The following HACE1 variants were observed in gnomAD, a reference collection of about 807,000 sequenced individuals.
The protein encoded by HACE1 is E3 ubiquitin-protein ligase HACE1.
Under a neutral mutation model 118.4 loss-of-function variants are expected in HACE1, and 73 were observed. That is an observed-to-expected ratio of 0.62 (90% CI 0.51 to 0.75). HACE1 has a LOEUF of 0.75. HACE1 is among the 30% of genes least tolerant of loss of function. The pLI, the probability that HACE1 is intolerant of heterozygous loss-of-function variation, is 0.00. For synonymous variants in HACE1, 368 were observed against 374.8 expected, an observed-to-expected ratio of 0.98 and a Z score of 0.21; for missense variants, 749 against 1,102.2, an observed-to-expected ratio of 0.68 and a Z score of 4.54.
chr6:104,740,614 A>T (rs1776555535), intron 22 of HACE1, among the ~76,000 whole-genome samples: 1 of 151,574 alleles, frequency 6.6e-6, no homozygotes, highest in Non-Finnish European at 1.5e-5. Context: ...AACTAGGAAG[A>T]AGTTGAATCT....
chr6:104,755,746 CA>C (rs1778537823), intron 19 of HACE1, among the ~76,000 whole-genome samples: 1 of 152,078 alleles, frequency 6.6e-6, no homozygotes, highest in Admixed American at 6.6e-5. Flanking sequence ...AACAAAGAGA[CA>C]ATGTACCAGA....
At chr6:104,781,450 C>G (rs1394493972) in intron 14 of HACE1, among the ~76,000 whole-genome samples, 2 of 152,150 alleles carry the variant, frequency 1.3e-5, no homozygotes, top group Non-Finnish European at 2.9e-5. Flanking sequence ...GAGAATGGCA[C>G]TGAGAGACCA....
At chr6:104,818,655 C>CAAAAAGCTTGCCAT (rs2115005296) in intron 6 of HACE1, among the ~76,000 whole-genome samples, 1 of 152,132 alleles carries the variant, frequency 6.6e-6, no homozygotes, top group South Asian at 2.1e-4. Flanking sequence ...CAAGCAGAAT[C>CAAAAAGCTTGCCAT]CAGCAGCACA....
chr6:104,736,922 CT>C (rs1775908047), intron 22 of HACE1, among the ~76,000 whole-genome samples: 1 of 152,150 alleles, frequency 6.6e-6, no homozygotes, highest in East Asian at 1.9e-4. Context: ...TAATTTTCTT[CT>C]ATTTTCTCCA....
At chr6:104,846,784 A>G (rs1219295112) in intron 4 of HACE1, among the ~76,000 whole-genome samples, 1 of 152,234 alleles carries the variant, frequency 6.6e-6, no homozygotes. Flanking sequence ...AACATCAGCC[A>G]CTACAGGAAG....
intron 22 of HACE1, among the ~76,000 whole-genome samples, chr6:104,736,194 G>A (rs1775806814): frequency 6.6e-6 from 1 of 150,562 alleles, no homozygotes. Flanking sequence ...GGCATTCAGA[G>A]GCAAAAAACA....
chr6:104,742,615 C>T (rs1199890010), intron 22 of HACE1, among the ~76,000 whole-genome samples: 3 of 151,236 alleles, frequency 2.0e-5, no homozygotes, highest in South Asian at 2.1e-4. Context: ...CAATGAGATA[C>T]CGTCTCACAC....
rs753387866 is a variant in HACE1 at position 104,728,919 on chromosome 6, C to T, written c.*743G>A. On this transcript the variant is annotated 3_prime_UTR_variant, in exon 24 of 24. Coordinates refer to ENST00000262903, the MANE Select transcript of HACE1 (RefSeq NM_020771.4). ...CACAGATAAAAGTAATGAAAAGAAA[C>T]GTGGTAAAATACATTTTAATTTTAC... The T allele has an allele frequency of 1.3e-5, 2 of 152,304 alleles. No homozygotes were observed. The highest frequency in any genetic ancestry group is 2.1e-4 in the South Asian group (1 of 4,822). 9.4% of individuals were successfully genotyped at this position (152,304 alleles called of 1,614,324 possible).
At position 104,827,795 on chromosome 6, in the gene HACE1, T is replaced by C. The variant is rs58671607; in HGVS notation, c.534+5247A>G. On this transcript the variant is annotated intron_variant, in intron 6 of 23. Coordinates refer to ENST00000262903, the MANE Select transcript of HACE1 (RefSeq NM_020771.4). The stretch of plus-strand genomic sequence containing the variant: ...CTGACTGAACATAGTTGAGCACTGT[T>C]CCTTAACAAGTCTATGATTTTAGTA... Among the ~76,000 whole-genome samples, 374 of 152,262 alleles carry C rather than the reference T, an allele frequency of 2.5e-3. 10 individuals are homozygous for C. The East Asian group carries it at 0.055, about 23-fold the overall frequency.
chr6:104,779,315 A>G (rs1481484311), intron 14 of HACE1, among the ~76,000 whole-genome samples: 1 of 152,230 alleles, frequency 6.6e-6, no homozygotes, highest in Non-Finnish European at 1.5e-5. Flanking sequence ...AAATTTCTTC[A>G]TCTGAGCTAA....
At chr6:104,816,700 AC>A (rs1207496926) in intron 6 of HACE1, among the ~76,000 whole-genome samples, 5 of 151,818 alleles carry the variant, frequency 3.3e-5, no homozygotes, top group Non-Finnish European at 5.9e-5. Flanking sequence ...GAGGGCCACC[AC>A]CCCCCAGACC....
chr6:104,853,544 C>T (rs572139487), intron 1 of HACE1, among the ~76,000 whole-genome samples: 1 of 152,170 alleles, frequency 6.6e-6, no homozygotes, highest in East Asian at 1.9e-4. Flanking sequence ...CCACTCAGCC[C>T]TTTAAAAGTT....
chr6:104,811,423 GC>G, intron 6 of HACE1, 30 bp from the exon 7 acceptor site: 1 of 1,030,100 alleles, frequency 9.7e-7, no homozygotes, highest in Non-Finnish European at 1.5e-6. Context: ...TAAAAGTAAA[GC>G]CAGAGGAATC....
intron 7 of HACE1, among the ~76,000 whole-genome samples, chr6:104,802,110 C>T (rs1172597650): frequency 6.8e-6 from 1 of 146,948 alleles, no homozygotes; most frequent in Admixed American, 6.8e-5. Flanking sequence ...AAGATCAAAA[C>T]AGACAAGGAA....
At chr6:104,823,348 C>T (rs1299150482) in intron 6 of HACE1, among the ~76,000 whole-genome samples, 3 of 151,778 alleles carry the variant, frequency 2.0e-5, no homozygotes, top group South Asian at 2.1e-4. Flanking sequence ...GCAGGAGAAT[C>T]GCTTGAACCT....
Position 104,783,955 on chromosome 6 carries a change from A to C in HACE1, c.1566+131T>G. 3 of 672,458 alleles carry C rather than the reference A, an allele frequency of 4.5e-6. No homozygotes were observed. The South Asian group carries it at 5.2e-5, about 12-fold the overall frequency. The allele number at this position is 672,458 out of a possible 1,614,324, so 41.7% of individuals were successfully genotyped here. ...TTCTTGAAGAAAACTTACTCCTCAT[A>C]TTAAAGTAACATGCAATCATTCCTC... On this transcript the variant is annotated intron_variant, in intron 14 of 23. Coordinates refer to ENST00000262903, the MANE Select transcript of HACE1 (RefSeq NM_020771.4).
chr6:104,848,984 T>C (rs1775919600), intron 4 of HACE1, among the ~76,000 whole-genome samples, 158 bp downstream of exon 4: 1 of 152,114 alleles, frequency 6.6e-6, no homozygotes, highest in African/African-American at 2.4e-5. Flanking sequence ...ATAATATCTT[T>C]GAGAGACAAA....
chr6:104,811,093 A>G (rs1164213552), intron 7 of HACE1, among the ~76,000 whole-genome samples: 6 of 151,826 alleles, frequency 4.0e-5, no homozygotes, highest in Admixed American at 6.6e-5. Flanking sequence ...TAATAGAACC[A>G]TAACACTTCA....
intron 6 of HACE1, among the ~76,000 whole-genome samples, chr6:104,817,995 G>A (rs763677431): frequency 6.6e-6 from 1 of 152,148 alleles, no homozygotes; most frequent in Non-Finnish European, 1.5e-5. Context: ...TGGTGATCAT[G>A]ACTTAACAAA....
Sources: gnomAD v4.1 joint callset for allele counts (sites outside exome capture counted in the v4.1 genomes callset) on GRCh38, gnomAD v4.1.1 for gene constraint, MANE v1.5 for transcripts, NCBI Gene and HGNC (gene_info 2026-07-23, HGNC 2026-07-21) for gene names.